Variants in TRIM37 observed in about 807,000 individuals in gnomAD.
The protein encoded by TRIM37 is tripartite motif containing 37.
A neutral mutation model predicts 129.8 loss-of-function variants in TRIM37; 80 were observed. The observed-to-expected ratio is 0.62, with a 90% CI of 0.51 to 0.74. TRIM37 has a LOEUF of 0.74. Ranked by LOEUF, TRIM37 falls within the 30% of genes least tolerant of loss-of-function variation. TRIM37 has a pLI of 0.00. For missense variants in TRIM37, 1,054 were observed against 1,176.5 expected (o/e 0.90, Z 1.52); for synonymous variants, 389 against 387.1 (o/e 1.00, Z -0.06).
chr17:59,083,355 T>TA (rs2043470431), intron 5 of TRIM37, among the ~76,000 whole-genome samples: 1 of 151,802 alleles, frequency 6.6e-6, no homozygotes, highest in African/African-American at 2.4e-5. Flanking sequence ...GGAGAATCAC[T>TA]TGAACCCGGG....
chr17:59,067,727 G>A (rs1193281790), intron 9 of TRIM37, among the ~76,000 whole-genome samples: 2 of 151,756 alleles, frequency 1.3e-5, no homozygotes, highest in East Asian at 3.9e-4. Context: ...GTAGAGATGG[G>A]GTTTCTCCAT....
intron 6 of TRIM37, among the ~76,000 whole-genome samples, chr17:59,080,652 G>T (rs574256324): frequency 6.6e-6 from 1 of 152,212 alleles, no homozygotes; most frequent in East Asian, 1.9e-4. Context: ...TTAGCTGGGC[G>T]TGGTGGTGGG....
chr17:58,969,785 C>A, the TRIM37 span: 1 of 1,536,338 alleles, frequency 6.5e-7, no homozygotes, highest in South Asian at 1.2e-5. Context: ...TCAATTTGGT[C>A]TGTGTGGTTA....
chr17:59,091,429 T>C, intron 2 of TRIM37, 89 bp from the exon 3 acceptor site: 1 of 280,022 alleles, frequency 3.6e-6, no homozygotes, highest in Non-Finnish European at 6.2e-6. Flanking sequence ...ATATAATATA[T>C]ATAATATTCT....
chr17:59,071,032 G>C, intron 8 of TRIM37, 85 bp from the exon 9 acceptor site: 1 of 1,468,152 alleles, frequency 6.8e-7, no homozygotes, highest in Non-Finnish European at 9.3e-7. Context: ...AAATTATTCT[G>C]ATTATAAACT....
At chr17:59,079,617 C>G in intron 7 of TRIM37, 137 bp downstream of exon 7, 1 of 1,064,108 alleles carries the variant, frequency 9.4e-7, no homozygotes, top group South Asian at 1.4e-5. Context: ...TAACATTTAT[C>G]TGTCTAAATT....
intron 2 of TRIM37, among the ~76,000 whole-genome samples, chr17:59,096,557 AAAAAAC>A (rs1436416287): frequency 2.8e-5 from 4 of 141,448 alleles, no homozygotes; most frequent in African/African-American, 1.0e-4. Flanking sequence ...CTCAAAAAAA[AAAAAAC>A]AAAAAAAAAA....
At chr17:59,046,383 G>A (rs1226452194) in intron 16 of TRIM37, among the ~76,000 whole-genome samples, 1 of 152,058 alleles carries the variant, frequency 6.6e-6, no homozygotes, top group Non-Finnish European at 1.5e-5. Flanking sequence ...TCTGTATGAC[G>A]CAGTGAAAAG....
chr17:59,104,865 G>A (rs899994132), intron 1 of TRIM37, among the ~76,000 whole-genome samples: 1 of 152,090 alleles, frequency 6.6e-6, no homozygotes, highest in Admixed American at 6.6e-5. Flanking sequence ...GCTGAGGCAG[G>A]TGGATCACTC....
chr17:59,021,296 G>A (rs150320640), intron 19 of TRIM37, among the ~76,000 whole-genome samples: 111 of 152,268 alleles, frequency 7.3e-4, no homozygotes, highest in African/African-American at 2.6e-3. Flanking sequence ...CTGGGAGGCC[G>A]AGGCAGGAGA....
chr17:59,051,087 T>C (rs1436915258), intron 14 of TRIM37, 127 bp downstream of exon 14: 1 of 689,730 alleles, frequency 1.4e-6, no homozygotes, highest in Non-Finnish European at 2.5e-6. Flanking sequence ...ACAAGATAAC[T>C]AGATTTTTTT....
intron 1 of TRIM37, among the ~76,000 whole-genome samples, chr17:59,104,689 G>A (rs1301971108): frequency 6.6e-6 from 1 of 152,120 alleles, no homozygotes; most frequent in Non-Finnish European, 1.5e-5. Flanking sequence ...TCTAGGTACA[G>A]CCCAAATGTC....
chr17:59,081,937 C>CAAAAAAAAAAA (rs1157296161), intron 5 of TRIM37, among the ~76,000 whole-genome samples: 8 of 48,844 alleles, frequency 1.6e-4, no homozygotes, highest in African/African-American at 2.6e-4. Flanking sequence ...TAATAAAAAC[C>CAAAAAAAAAAA]AAAAAAAAAA....
chr17:59,014,331 T>G (rs1037716642), intron 21 of TRIM37, among the ~76,000 whole-genome samples: 5 of 152,178 alleles, frequency 3.3e-5, no homozygotes, highest in Non-Finnish European at 5.9e-5. Context: ...ACTATTTCAT[T>G]GTTTAAATTT....
chr17:59,039,888 AT>A (rs1238147434), intron 17 of TRIM37, among the ~76,000 whole-genome samples: 1 of 152,036 alleles, frequency 6.6e-6, no homozygotes, highest in Non-Finnish European at 1.5e-5. Flanking sequence ...ATTAGATATT[AT>A]TTTTCATTAT....
At chr17:59,051,013 T>G (rs1332449841) in intron 14 of TRIM37, among the ~76,000 whole-genome samples, 1 of 151,922 alleles carries the variant, frequency 6.6e-6, no homozygotes, top group Non-Finnish European at 1.5e-5. Context: ...AAATAAAAAT[T>G]TACATGGCCG....
chr17:58,995,556 T>C (rs564208232), downstream of TRIM37, among the ~76,000 whole-genome samples: 4 of 152,240 alleles, frequency 2.6e-5, no homozygotes, highest in African/African-American at 7.2e-5. Context: ...CATATATAGA[T>C]ATATAAAGTA....
At chr17:59,081,061 A>G (rs759804071) in intron 6 of TRIM37, 36 bp downstream of exon 6, 1 of 1,415,950 alleles carries the variant, frequency 7.1e-7, no homozygotes, top group South Asian at 1.4e-5. Flanking sequence ...ATTACAGATT[A>G]AAAACAAAAT....
At chr17:58,998,197 G>T, downstream of TRIM37, 1 of 984,688 alleles carries the variant, frequency 1.0e-6, no homozygotes, top group South Asian at 4.7e-5. Context: ...AACAGCAGAG[G>T]CATATTTTCT....
Sources: allele counts gnomAD v4.1 joint callset (sites outside exome capture counted in the v4.1 genomes callset), GRCh38; gene constraint gnomAD v4.1.1; transcripts MANE v1.5; gene names NCBI Gene and HGNC (gene_info 2026-07-23, HGNC 2026-07-21).